Variants in TUBA1C observed in about 807,000 individuals in gnomAD.
TUBA1C encodes the protein tubulin alpha-1C chain.
TUBA1C carries 16 observed loss-of-function variants against 34.9 expected under a neutral mutation model. That is an observed-to-expected ratio of 0.46 (90% CI 0.31 to 0.70). The LOEUF (loss-of-function observed/expected upper bound fraction) is 0.70. Ranked by LOEUF, TUBA1C falls within the 30% of genes least tolerant of loss-of-function variation. TUBA1C has a pLI of 0.05. For synonymous variants in TUBA1C, 177 were observed against 215.9 expected, an observed-to-expected ratio of 0.82 and a Z score of 1.58; for missense variants, 329 against 587.3, an observed-to-expected ratio of 0.56 and a Z score of 4.55.
intron 1 of TUBA1C, among the ~76,000 whole-genome samples, chr12:49,237,673 A>G (rs1942570212): frequency 6.8e-6 from 1 of 148,012 alleles, no homozygotes; most frequent in Non-Finnish European, 1.5e-5. Context: ...TGAGCCTAGG[A>G]GTTCGAGGGT....
At chr12:49,263,617 C>T (rs1424407237), upstream of TUBA1C, among the ~76,000 whole-genome samples, 1 of 152,086 alleles carries the variant, frequency 6.6e-6, no homozygotes, top group Non-Finnish European at 1.5e-5. Context: ...CATGAGCCAC[C>T]GTGCCCGGCC....
chr12:49,273,194 T>C lies in TUBA1C; in HGVS notation c.1317T>C (p.Ser439=), dbSNP rs1285196730. The C allele has an allele frequency of 6.2e-7, 1 of 1,614,240 alleles. No homozygotes were observed. Among genetic ancestry groups the C allele is most frequent in the Non-Finnish European group, 8.5e-7 (1 of 1,180,048 alleles). The change falls in exon 4 of 4, where the codon AGT becomes AGC. Residue 439 remains serine, a synonymous_variant. Transcript: ENST00000301072. ...ATTATGAGGAGGTTGGAGCAGATAGTGCTGACGGAGAGGATGAGGGTGAAG... is the reference window on the plus strand; with the variant it reads ...ATTATGAGGAGGTTGGAGCAGATAGCGCTGACGGAGAGGATGAGGGTGAAG... ...EKDYEEVGAD[S]ADGEDEGEEY
chr12:49,231,232 A>G (rs1283290084), intron 1 of TUBA1C, among the ~76,000 whole-genome samples: 1 of 152,168 alleles, frequency 6.6e-6, no homozygotes, highest in Non-Finnish European at 1.5e-5. Context: ...TGGTGCAATT[A>G]TAGCTCACTA....
exon 1 of TUBA1C, chr12:49,228,106 T>C: frequency 6.5e-7 from 1 of 1,535,734 alleles, no homozygotes; most frequent in East Asian, 2.4e-5. Context: ...TTCAGCTCCC[T>C]GCGCCTTTTA....
upstream of TUBA1C, among the ~76,000 whole-genome samples, chr12:49,260,868 G>A (rs529612397): frequency 3.3e-5 from 5 of 152,130 alleles, no homozygotes; most frequent in South Asian, 4.2e-4. Flanking sequence ...GTAGCTGGCC[G>A]ACAGGCACAC....
At chr12:49,250,306 C>CCT (rs1258046732) in intron 1 of TUBA1C, among the ~76,000 whole-genome samples, 4 of 151,998 alleles carry the variant, frequency 2.6e-5, no homozygotes, top group Non-Finnish European at 4.4e-5. Context: ...AGGCGGATCA[C>CCT]GAGGTCAGGA....
chr12:49,265,047 G>C, upstream of TUBA1C: 1 of 1,245,322 alleles, frequency 8.0e-7, no homozygotes, highest in Non-Finnish European at 1.0e-6. Flanking sequence ...CCGGGGACCG[G>C]GTATATAAGG....
At chr12:49,229,501 T>C (rs1942472946) in intron 1 of TUBA1C, among the ~76,000 whole-genome samples, 1 of 152,154 alleles carries the variant, frequency 6.6e-6, no homozygotes, top group African/African-American at 2.4e-5. Context: ...CTTGTTTCTT[T>C]TCTGTCCTTT....
upstream of TUBA1C, among the ~76,000 whole-genome samples, chr12:49,260,867 C>T (rs1278646399): frequency 3.9e-5 from 6 of 151,944 alleles, no homozygotes; most frequent in South Asian, 2.1e-4. Flanking sequence ...AGTAGCTGGC[C>T]GACAGGCACA....
intron 1 of TUBA1C, among the ~76,000 whole-genome samples, chr12:49,232,094 C>T (rs769867672): frequency 6.6e-6 from 1 of 152,158 alleles, no homozygotes; most frequent in Non-Finnish European, 1.5e-5. Flanking sequence ...GGCCACCCAA[C>T]GCTTGCTTTC....
chr12:49,256,616 G>GCTTA (rs770032350), intron 1 of TUBA1C: 2 of 258,880 alleles, frequency 7.7e-6, no homozygotes, highest in Non-Finnish European at 1.6e-5. Context: ...GTTCTAAAGG[G>GCTTA]CTTATATTCC....
At chr12:49,246,847 TAA>T (rs1455425134) in intron 1 of TUBA1C, among the ~76,000 whole-genome samples, 1 of 151,226 alleles carries the variant, frequency 6.6e-6, no homozygotes, top group East Asian at 2.0e-4. Context: ...AAGCCAGACT[TAA>T]AAAGTAAAAC....
At position 49,269,937 on chromosome 12, in the gene TUBA1C, G is replaced by A; in HGVS notation, c.336G>A (p.Lys112=). The change falls in exon 3 of 4, where the codon AAG becomes AAA. Residue 112 remains lysine (K), a synonymous_variant. Transcript: ENST00000301072. ...CCCGAGGGCACTACACCATTGGCAA[G>A]GAGATCATTGACCTCGTGTTGGACC... The part of the protein sequence containing the change: ...NYARGHYTIG[K]EIIDLVLDRI... 1.9e-6 allele frequency: 3 copies of A among 1,614,218 alleles called. No homozygotes were observed. Among genetic ancestry groups the A allele is most frequent in the Middle Eastern group, 1.7e-4 (1 of 6,056 alleles).
intron 1 of TUBA1C, among the ~76,000 whole-genome samples, chr12:49,244,252 C>G (rs997464664): frequency 2.0e-5 from 3 of 152,078 alleles, no homozygotes; most frequent in African/African-American, 7.2e-5. Context: ...TAAATGGCCT[C>G]ACCACTCACC....
chr12:49,273,476 AG>A lies in TUBA1C; in HGVS notation c.*250del, dbSNP rs762703808. 2.1e-5 allele frequency: 12 copies of A among 576,882 alleles called. No individual in the cohort carries two copies. The highest frequency in any genetic ancestry group is 3.6e-5 in the Non-Finnish European group (12 of 336,550). 35.7% of individuals were successfully genotyped at this position (576,882 alleles called of 1,614,324 possible). On this transcript the variant is annotated 3_prime_UTR_variant, in exon 4 of 4. Coordinates refer to ENST00000301072, the MANE Select transcript of TUBA1C (RefSeq NM_032704.5). ...TAATACATAGCTCATTGCAGCCTCG[AG>A]CTCCTGGACTCATGTGATTCTCCTG...
upstream of TUBA1C, among the ~76,000 whole-genome samples, chr12:49,261,977 T>G (rs1339109756): frequency 6.6e-6 from 1 of 152,150 alleles, no homozygotes; most frequent in Non-Finnish European, 1.5e-5. Flanking sequence ...TTGCTCATAT[T>G]TGTAGAGCTC....
At position 49,273,206 on chromosome 12, in the gene TUBA1C, G is replaced by A; in HGVS notation, c.1329G>A (p.Glu443=). Residue 443 remains glutamate, a synonymous_variant, in exon 4 of 4, where the codon GAG becomes GAA. Transcript: ENST00000301072. ...TTGGAGCAGATAGTGCTGACGGAGA[G>A]GATGAGGGTGAAGAGTATTAACCTG... ...EEVGADSADG[E]DEGEEY is the part of the protein sequence containing the mutation. 6.2e-7 allele frequency: 1 copy of A among 1,614,194 alleles called. No individual in the cohort carries two copies. Among genetic ancestry groups the A allele is most frequent in the South Asian group, 1.1e-5 (1 of 91,084 alleles).
At chr12:49,265,459 C>T (rs890089348) in intron 1 of TUBA1C, among the ~76,000 whole-genome samples, 15 of 152,248 alleles carry the variant, frequency 9.9e-5, no homozygotes, top group African/African-American at 1.7e-4. Context: ...CCCGCTACTG[C>T]CCTAGGGAGG....
intron 1 of TUBA1C, among the ~76,000 whole-genome samples, chr12:49,265,688 C>T (rs913702262): frequency 3.0e-4 from 46 of 152,300 alleles, no homozygotes; most frequent in Non-Finnish European, 1.8e-4. Context: ...GGAGAGCTTC[C>T]AACTGCGCCA....
Sources: gnomAD v4.1 joint callset for allele counts (sites outside exome capture counted in the v4.1 genomes callset) on GRCh38, gnomAD v4.1.1 for gene constraint, MANE v1.5 for transcripts, NCBI Gene and HGNC (gene_info 2026-07-23, HGNC 2026-07-21) for gene names.